Variants in DYNC2H1 observed in about 807,000 individuals in gnomAD.
DYNC2H1 encodes the protein cytoplasmic dynein 2 heavy chain 1.
DYNC2H1 carries 410 observed loss-of-function variants against 570.0 expected under a neutral mutation model. That is an observed-to-expected ratio of 0.72 (90% CI 0.66 to 0.78). DYNC2H1 has a LOEUF of 0.78. Ranked by LOEUF, DYNC2H1 falls within the 30% of genes least tolerant of loss-of-function variation. The pLI, the probability that DYNC2H1 is intolerant of heterozygous loss-of-function variation, is 0.00. For missense variants in DYNC2H1, 4,865 were observed against 5,046.4 expected, an observed-to-expected ratio of 0.96 and a Z score of 1.09; for synonymous variants, 1,688 against 1,677.6, an observed-to-expected ratio of 1.01 and a Z score of -0.15.
chr11:103,144,326 TTA>T (rs1284242841), intron 18 of DYNC2H1, among the ~76,000 whole-genome samples: 1 of 152,224 alleles, frequency 6.6e-6, no homozygotes. Flanking sequence ...CTGGCACAGG[TTA>T]TATTTTCAAT....
At chr11:103,169,732 G>A (rs575406765) in intron 32 of DYNC2H1, among the ~76,000 whole-genome samples, 1 of 152,178 alleles carries the variant, frequency 6.6e-6, no homozygotes, top group African/African-American at 2.4e-5. Context: ...GTTCTGATTT[G>A]TGGATATCAT....
chr11:103,270,253 G>T (rs573444239), intron 70 of DYNC2H1, among the ~76,000 whole-genome samples: 1 of 151,474 alleles, frequency 6.6e-6, no homozygotes, highest in East Asian at 1.9e-4. Context: ...GAAGGATTGG[G>T]AGCATGTGCA....
chr11:103,248,921 G>A (rs1864725689), intron 65 of DYNC2H1, among the ~76,000 whole-genome samples: 2 of 151,972 alleles, frequency 1.3e-5, no homozygotes, highest in South Asian at 2.1e-4. Flanking sequence ...CAAGCCTTAT[G>A]TTGGTTCAGA....
At chr11:103,479,014 ATGTT>A in intron 88 of DYNC2H1, 77 bp from the exon 89 acceptor site, 1 of 1,431,720 alleles carries the variant, frequency 7.0e-7, no homozygotes, top group Non-Finnish European at 9.6e-7. Flanking sequence ...TAATATTAAT[ATGTT>A]TGTTTCCTTG....
intron 59 of DYNC2H1, among the ~76,000 whole-genome samples, chr11:103,226,916 G>A (rs1005935692): frequency 2.0e-5 from 3 of 152,052 alleles, no homozygotes; most frequent in African/African-American, 7.2e-5. Context: ...TTTAATCTAG[G>A]CGGGTTGTAT....
intron 43 of DYNC2H1, 81 bp from the exon 44 acceptor site, chr11:103,188,416 G>C: frequency 1.8e-6 from 2 of 1,125,846 alleles, no homozygotes; most frequent in African/African-American, 3.2e-5. Flanking sequence ...AGAAATAATT[G>C]AAACTTAGGC....
At chr11:103,168,994 T>C (rs1417000317) in intron 32 of DYNC2H1, 34 bp downstream of exon 32, 3 of 1,513,252 alleles carry the variant, frequency 2.0e-6, no homozygotes, top group Non-Finnish European at 1.8e-6. Context: ...TATTTCCAAT[T>C]AGAAATTATT....
At chr11:103,176,745 G>A (rs571796369) in intron 37 of DYNC2H1, among the ~76,000 whole-genome samples, 12 of 151,974 alleles carry the variant, frequency 7.9e-5, no homozygotes, top group African/African-American at 1.7e-4. Context: ...TTGCTTTGTC[G>A]CCCAGGCTGG....
In DYNC2H1 at chr11:103,204,765, T is replaced by A. The variant is rs17100074; in HGVS notation, c.8312-57T>A. The A allele has an allele frequency of 2.7e-3, 3,914 of 1,439,652 alleles. 101 individuals are homozygous for A. In the African/African-American group the frequency reaches 0.05, roughly 18 times the overall value. 89.2% of individuals were successfully genotyped at this position (1,439,652 alleles called of 1,614,324 possible). A position where few individuals can be genotyped will look rare whatever the true frequency, so the allele number is the denominator to read the frequency against. ...TCATTTGAGAAAATTTTGATCTCTTTAACCCAGACCACGTATAGATTGCCT... is the reference window on the plus strand; with the variant it reads ...TCATTTGAGAAAATTTTGATCTCTTAAACCCAGACCACGTATAGATTGCCT... On this transcript the variant is annotated intron_variant, in intron 51 of 88. Transcript: ENST00000375735. The surrounding 1 kb of genome is among the most constrained non-coding windows in gnomAD (Gnocchi z 4.1).
chr11:103,120,809 C>T lies in DYNC2H1; in HGVS notation c.1248+7C>T. The T allele has an allele frequency of 6.9e-7, 1 of 1,439,742 alleles. No homozygotes were observed. The highest frequency in any genetic ancestry group is 9.2e-7 in the Non-Finnish European group (1 of 1,089,410). The allele number at this position is 1,439,742 out of a possible 1,614,324, so 89.2% of individuals were successfully genotyped here. On this transcript the variant is annotated splice_region_variant and intron_variant, in intron 8 of 88. Transcript: ENST00000375735. ...TCAAGACAGTCCACAGCAGGTAAAACATTGAGATATTTCACTTTTAATATT... is the reference window on the plus strand; with the variant it reads ...TCAAGACAGTCCACAGCAGGTAAAATATTGAGATATTTCACTTTTAATATT...
intron 86 of DYNC2H1, among the ~76,000 whole-genome samples, 185 bp downstream of exon 86, chr11:103,455,480 AATG>A (rs1233290705): frequency 5.3e-5 from 8 of 152,292 alleles, no homozygotes; most frequent in South Asian, 2.1e-4. Flanking sequence ...CATTGCTTTT[AATG>A]ATGATATGTT....
chr11:103,354,287 C>T (rs545590858), intron 82 of DYNC2H1, among the ~76,000 whole-genome samples: 2 of 149,912 alleles, frequency 1.3e-5, no homozygotes, highest in East Asian at 3.9e-4. Context: ...CTTTTAGATT[C>T]ATTTTTCCCC....
At chr11:103,386,421 G>C (rs577098968) in intron 83 of DYNC2H1, among the ~76,000 whole-genome samples, 1 of 151,866 alleles carries the variant, frequency 6.6e-6, no homozygotes, top group Admixed American at 6.6e-5. Flanking sequence ...TTTGAGAGCA[G>C]TTGGGCTCTC....
Position 103,181,865 on chromosome 11 carries a change from T to C in DYNC2H1, c.6456T>C (p.Ala2152=). Residue 2152 remains alanine (A), a synonymous_variant, in exon 40 of 89, where the codon GCT becomes GCC. Transcript: ENST00000375735. The surrounding 1 kb of genome is among the most constrained non-coding windows in gnomAD (Gnocchi z 5.0). ...GGATTGGAGATTATTTTGAAAAGGC[T>C]TTACAATGGGTTCTAAAGCAGGTAA... ...ENWIGDYFEK[A]LQWVLKQNDY... 6.2e-7 allele frequency: 1 copy of C among 1,605,480 alleles called. No homozygotes were observed. Among genetic ancestry groups the C allele is most frequent in the African/African-American group, 1.3e-5 (1 of 74,756 alleles).
At chr11:103,271,029 C>G (rs942732454) in intron 70 of DYNC2H1, among the ~76,000 whole-genome samples, 1 of 152,240 alleles carries the variant, frequency 6.6e-6, no homozygotes. Context: ...CACCTTGCCT[C>G]CATTTCCATA....
At chr11:103,298,436 T>C (rs898374844) in intron 75 of DYNC2H1, among the ~76,000 whole-genome samples, 4 of 152,158 alleles carry the variant, frequency 2.6e-5, no homozygotes, top group Non-Finnish European at 4.4e-5. Flanking sequence ...ATCAACTCTT[T>C]GAAATACTTA....
intron 3 of DYNC2H1, among the ~76,000 whole-genome samples, 159 bp from the exon 4 acceptor site, chr11:103,115,018 T>C (rs894300322): frequency 6.6e-6 from 1 of 152,170 alleles, no homozygotes; most frequent in Non-Finnish European, 1.5e-5. Flanking sequence ...ACTTTGTTTA[T>C]AGTATGAAAT....
At chr11:103,282,871 G>C (rs1265741377) in intron 72 of DYNC2H1, 137 bp from the exon 73 acceptor site, 10 of 641,822 alleles carry the variant, frequency 1.6e-5, no homozygotes, top group Non-Finnish European at 2.6e-5. Flanking sequence ...ATGGTGACTT[G>C]TAAAATACAT....
chr11:103,379,046 G>C (rs188696699), intron 83 of DYNC2H1, among the ~76,000 whole-genome samples: 144 of 152,264 alleles, frequency 9.5e-4, no homozygotes, highest in Non-Finnish European at 1.3e-3. Flanking sequence ...GCATGCTATG[G>C]TATATTAGGT....
Sources: gnomAD v4.1 joint callset for allele counts (sites outside exome capture counted in the v4.1 genomes callset) on GRCh38, gnomAD v4.1.1 for gene constraint, Gnocchi (gnomAD v3.1) non-coding constraint, MANE v1.5 for transcripts, NCBI Gene and HGNC (gene_info 2026-07-23, HGNC 2026-07-21) for gene names.